TREM1: variants seen among roughly 807,000 people sequenced by gnomAD.
TREM1 encodes triggering receptor expressed on monocytes 1.
Under a neutral mutation model 22.4 loss-of-function variants are expected in TREM1, and 16 were observed. The observed-to-expected ratio is 0.71, with a 90% CI of 0.48 to 1.08. The LOEUF is 1.08. Among genes scored for constraint, TREM1 ranks in the 50% least tolerant of loss-of-function variants. The pLI, the probability that TREM1 is intolerant of heterozygous loss-of-function variation, is 0.00. For synonymous variants in TREM1, 110 were observed against 111.6 expected, an observed-to-expected ratio of 0.99 and a Z score of 0.09; for missense variants, 283 against 282.9, an observed-to-expected ratio of 1.00 and a Z score of 0.00.
In TREM1 at chr6:41,281,265, C is replaced by A. The variant is rs146201760; in HGVS notation, c.407-112G>T. 1,372 of 1,242,088 alleles carry A rather than the reference C, an allele frequency of 1.1e-3. 8 individuals are homozygous for A. The African/African-American group carries it at 0.015, about 14-fold the overall frequency. The allele number at this position is 1,242,088 out of a possible 1,614,324, so 76.9% of individuals were successfully genotyped here. On this transcript the variant is annotated intron_variant, in intron 2 of 3. Transcript: ENST00000244709. ...ATGAAAATGTGGATGAGTTGATGGA[C>A]GGGTAGGTGGTACGGTAAATGAAGC...
chr6:41,286,579 C>T (rs756585067), intron 1 of TREM1, 28 bp downstream of exon 1: 3 of 1,613,516 alleles, frequency 1.9e-6, no homozygotes, highest in South Asian at 1.1e-5. Context: ...CAAACGCCTC[C>T]CCTGCTCAGT....
intron 1 of TREM1, among the ~76,000 whole-genome samples, chr6:41,283,919 G>A (rs1347530498): frequency 6.6e-6 from 1 of 152,082 alleles, no homozygotes; most frequent in Non-Finnish European, 1.5e-5. Context: ...CTACCACGTA[G>A]GAATAGGCTG....
At chr6:41,268,917 G>A (rs776134442), downstream of TREM1, among the ~76,000 whole-genome samples, 1 of 152,150 alleles carries the variant, frequency 6.6e-6, no homozygotes, top group Non-Finnish European at 1.5e-5. Context: ...CAAGAACCGG[G>A]AAGTTATTTT....
At chr6:41,286,393 G>A (rs1300971319) in intron 1 of TREM1, among the ~76,000 whole-genome samples, 1 of 152,074 alleles carries the variant, frequency 6.6e-6, no homozygotes, top group Admixed American at 6.5e-5. Context: ...ACATCGACAT[G>A]CACAGACATC....
At chr6:41,270,509 G>T (rs1767453648), downstream of TREM1, among the ~76,000 whole-genome samples, 1 of 148,968 alleles carries the variant, frequency 6.7e-6, no homozygotes, top group African/African-American at 2.5e-5. Flanking sequence ...CCCATATGGA[G>T]CAAATAAGGC....
chr6:41,282,865 A>G, intron 1 of TREM1, 114 bp from the exon 2 acceptor site: 1 of 915,168 alleles, frequency 1.1e-6, no homozygotes, highest in Non-Finnish European at 1.7e-6. Flanking sequence ...ATTTCAGATG[A>G]GGTTCTTGAG....
At chr6:41,270,345 C>T (rs1203298745), downstream of TREM1, 5 of 152,136 alleles carry the variant, frequency 3.3e-5, no homozygotes, top group Non-Finnish European at 5.9e-5. Flanking sequence ...TTCCTAGCTC[C>T]TCTGTCAAGC....
At chr6:41,280,343 T>A (rs1027732261) in intron 3 of TREM1, 9 of 985,970 alleles carry the variant, frequency 9.1e-6, no homozygotes, top group Non-Finnish European at 1.1e-5. Flanking sequence ...CTAAACATCT[T>A]ATTAAAAATA....
intron 1 of TREM1, among the ~76,000 whole-genome samples, chr6:41,286,325 G>T (rs1028764283): frequency 6.6e-6 from 1 of 151,716 alleles, no homozygotes; most frequent in African/African-American, 2.4e-5. Context: ...TGTAGATCAT[G>T]CCATGATGAG....
intron 3 of TREM1, among the ~76,000 whole-genome samples, chr6:41,278,656 CAAAAAAAAAAA>C (rs1479070405): frequency 7.4e-6 from 1 of 134,862 alleles, no homozygotes; most frequent in Non-Finnish European, 1.6e-5. Flanking sequence ...GACCGTGTCT[CAAAAAAAAAAA>C]GAAAAGAAAA....
chr6:41,276,744 A>C (rs1423446431), intron 3 of TREM1, among the ~76,000 whole-genome samples: 3 of 152,134 alleles, frequency 2.0e-5, no homozygotes, highest in Non-Finnish European at 4.4e-5. Flanking sequence ...GCACTTGGCC[A>C]GTTCCATCAG....
At chr6:41,281,352 C>T (rs902892335) in intron 2 of TREM1, 199 bp from the exon 3 acceptor site, 1 of 611,966 alleles carries the variant, frequency 1.6e-6, no homozygotes, top group South Asian at 2.4e-5. Context: ...CAAAGAAATA[C>T]TGTGGAGTCA....
At position 41,275,278 on chromosome 6, in the gene TREM1, A is replaced by C. The variant is rs1477564041; in HGVS notation, c.*847T>G. On this transcript the variant is annotated 3_prime_UTR_variant, in exon 4 of 4. Coordinates refer to ENST00000244709, the MANE Select transcript of TREM1 (RefSeq NM_018643.5). Reference sequence around the variant, plus strand: ...GTGTGATACAGGAAAAGAGGCATTTAGACACAGGCGGAACTCCTGGTTATT... The same window carrying C: ...GTGTGATACAGGAAAAGAGGCATTTCGACACAGGCGGAACTCCTGGTTATT... The C allele has an allele frequency of 6.6e-6, 1 of 152,202 alleles. No individual in the cohort carries two copies. Among genetic ancestry groups the C allele is most frequent in the Non-Finnish European group, 1.5e-5 (1 of 68,066 alleles). The allele number at this position is 152,202 out of a possible 1,614,324, so 9.4% of individuals were successfully genotyped here.
downstream of TREM1, among the ~76,000 whole-genome samples, chr6:41,272,715 G>T (rs1421415750): frequency 4.6e-5 from 7 of 152,252 alleles, no homozygotes; most frequent in Admixed American, 4.6e-4. Context: ...CTTTGCCTGA[G>T]TACCAGGTAT....
intron 3 of TREM1, chr6:41,280,642 C>T (rs1280656374): frequency 1.5e-5 from 20 of 1,377,188 alleles, no homozygotes; most frequent in Non-Finnish European, 1.8e-5. Flanking sequence ...AGAGTGCTTT[C>T]CCACTGCCCA....
chr6:41,276,929 C>T (rs1035179631), intron 3 of TREM1, among the ~76,000 whole-genome samples: 2 of 152,048 alleles, frequency 1.3e-5, no homozygotes, highest in African/African-American at 4.8e-5. Context: ...ACCCATGGTC[C>T]CAGCTACTTG....
chr6:41,285,563 A>G lies in TREM1; in HGVS notation c.49+1044T>C, dbSNP rs959638240. 3.9e-5 allele frequency among the ~76,000 whole-genome samples: 6 copies of G among 152,316 alleles called. No homozygotes were observed. In the South Asian group the frequency reaches 1.0e-3, roughly 26 times the overall value. On this transcript the variant is annotated intron_variant, in intron 1 of 3. Transcript: ENST00000244709. ...TAGAGAAGTCCTGGCCCAAGTGTGA[A>G]TAAGTATCCAGTTGCAAGGAGCATT...
chr6:41,280,619 G>C, intron 3 of TREM1: 4 of 1,334,106 alleles, frequency 3.0e-6, no homozygotes, highest in Non-Finnish European at 3.8e-6. Flanking sequence ...ACTAGATCCA[G>C]GGCCCCTCAC....
At chr6:41,268,584 T>A (rs1197455832) in intron 3 of TREM1, among the ~76,000 whole-genome samples, 2 of 152,146 alleles carry the variant, frequency 1.3e-5, no homozygotes, top group African/African-American at 4.8e-5. Flanking sequence ...CCCAAAAGGT[T>A]GGAGCCACTG....
Sources: allele counts gnomAD v4.1 joint callset (sites outside exome capture counted in the v4.1 genomes callset), GRCh38; gene constraint gnomAD v4.1.1; transcripts MANE v1.5; gene names NCBI Gene and HGNC (gene_info 2026-07-23, HGNC 2026-07-21).